KHDRBS2: variants seen among roughly 807,000 people sequenced by gnomAD.
KHDRBS2 encodes KH RNA binding domain containing, signal transduction associated 2.
In KHDRBS2, 26 loss-of-function variants were observed where a neutral mutation model predicts 44.3. The observed-to-expected ratio is 0.59, with a 90% CI of 0.43 to 0.81. The LOEUF is 0.81. Ranked by LOEUF, KHDRBS2 falls within the 40% of genes least tolerant of loss-of-function variation. KHDRBS2 has a pLI of 0.00. For synonymous variants in KHDRBS2, 194 were observed against 151.1 expected (o/e 1.28, Z -2.08); for missense variants, 476 against 433.1 (o/e 1.10, Z -0.88).
At chr6:61,949,501 AC>A (rs1181522059) in intron 4 of KHDRBS2, among the ~76,000 whole-genome samples, 2 of 152,116 alleles carry the variant, frequency 1.3e-5, no homozygotes, top group Admixed American at 6.6e-5. Flanking sequence ...ATATGCTATA[AC>A]TTAAAGGCTA....
At chr6:61,772,702 CATATGT>C (rs1781159036) in intron 6 of KHDRBS2, among the ~76,000 whole-genome samples, 1 of 151,894 alleles carries the variant, frequency 6.6e-6, no homozygotes, top group African/African-American at 2.4e-5. Flanking sequence ...ACATTAGTTA[CATATGT>C]ATACATGTGC....
chr6:61,585,355 G>A, the KHDRBS2 span, among the ~76,000 whole-genome samples: 1 of 152,020 alleles, frequency 6.6e-6, no homozygotes, highest in Non-Finnish European at 1.5e-5. Flanking sequence ...ATTTTACAGT[G>A]TTCCAAAACT....
chr6:62,207,861 G>A (rs1407189061), intron 1 of KHDRBS2, among the ~76,000 whole-genome samples: 2 of 152,028 alleles, frequency 1.3e-5, no homozygotes, highest in Non-Finnish European at 2.9e-5. Context: ...CTATAGTGAG[G>A]CAAAATAACA....
chr6:62,121,500 T>C (rs542169676), intron 2 of KHDRBS2, among the ~76,000 whole-genome samples: 52 of 152,334 alleles, frequency 3.4e-4, no homozygotes, highest in African/African-American at 1.2e-3. Context: ...TTTCATTACT[T>C]GAGCAAATTA....
At chr6:62,167,550 T>A (rs1338569577) in intron 2 of KHDRBS2, among the ~76,000 whole-genome samples, 4 of 152,036 alleles carry the variant, frequency 2.6e-5, no homozygotes, top group Non-Finnish European at 5.9e-5. Flanking sequence ...GCAATTTGAA[T>A]TTTTTTTCCT....
chr6:62,202,850 C>T (rs530034979), intron 1 of KHDRBS2, among the ~76,000 whole-genome samples: 11 of 152,154 alleles, frequency 7.2e-5, no homozygotes, highest in African/African-American at 2.6e-4. Flanking sequence ...GATGAGACAA[C>T]TGTGTGAAAA....
At chr6:62,035,999 TCTC>T (rs954310563) in intron 3 of KHDRBS2, among the ~76,000 whole-genome samples, 7 of 151,934 alleles carry the variant, frequency 4.6e-5, no homozygotes, top group Non-Finnish European at 1.0e-4. Context: ...AGGGAAACTC[TCTC>T]CTCCTAAAAA....
At chr6:62,220,039 A>G (rs1453533436) in intron 1 of KHDRBS2, among the ~76,000 whole-genome samples, 1 of 151,016 alleles carries the variant, frequency 6.6e-6, no homozygotes, top group East Asian at 1.9e-4. Flanking sequence ...AGAACATACT[A>G]TAAGTAGGGA....
chr6:61,666,020 A>C, the KHDRBS2 span, among the ~76,000 whole-genome samples: 511 of 151,360 alleles, frequency 3.4e-3, 3 homozygotes, highest in African/African-American at 0.012. Flanking sequence ...TATTAGTCAT[A>C]TATACAAATC....
intron 2 of KHDRBS2, among the ~76,000 whole-genome samples, chr6:62,095,392 T>A (rs1194987994): frequency 1.3e-5 from 2 of 151,836 alleles, no homozygotes; most frequent in Non-Finnish European, 3.0e-5. Flanking sequence ...TTTAATCTTT[T>A]ATATCATATT....
At chr6:61,613,275 A>G in the KHDRBS2 span, among the ~76,000 whole-genome samples, 21,031 of 152,236 alleles carry the variant, frequency 0.14, 2,028 homozygotes, top group South Asian at 0.27. Flanking sequence ...TGCTCCTAAA[A>G]TGGTACCTGG....
At chr6:61,969,653 G>A (rs1192445) in intron 4 of KHDRBS2, among the ~76,000 whole-genome samples, 99,797 of 151,782 alleles carry the variant, frequency 0.66, 32,973 homozygotes, top group African/African-American at 0.73. Context: ...AGTAGATTAG[G>A]AATAAAAAGA....
chr6:62,229,956 C>T (rs1462814429), intron 1 of KHDRBS2, among the ~76,000 whole-genome samples: 1 of 152,136 alleles, frequency 6.6e-6, no homozygotes, highest in Non-Finnish European at 1.5e-5. Context: ...GCCCCAGCTC[C>T]CAGTTTATTT....
chr6:61,775,146 A>G (rs1406489960), intron 6 of KHDRBS2, among the ~76,000 whole-genome samples: 9 of 152,156 alleles, frequency 5.9e-5, no homozygotes, highest in Non-Finnish European at 7.3e-5. Context: ...GTATCTCAAA[A>G]TAATAAGAGC....
chr6:61,981,626 T>A (rs1020599720), intron 3 of KHDRBS2, among the ~76,000 whole-genome samples: 11 of 152,182 alleles, frequency 7.2e-5, no homozygotes, highest in African/African-American at 2.4e-4. Flanking sequence ...CAGTGTTCAA[T>A]CTTTTGACAT....
At chr6:62,277,816 A>C (rs1272617210) in intron 1 of KHDRBS2, among the ~76,000 whole-genome samples, 2 of 152,206 alleles carry the variant, frequency 1.3e-5, no homozygotes, top group Non-Finnish European at 2.9e-5. Context: ...TCTTTTTGGA[A>C]GTACTGTTAT....
intron 1 of KHDRBS2, among the ~76,000 whole-genome samples, chr6:62,234,621 C>A (rs532114155): frequency 6.6e-6 from 1 of 152,036 alleles, no homozygotes; most frequent in Non-Finnish European, 1.5e-5. Flanking sequence ...AACTCAATAG[C>A]CTAAGAGTAG....
chr6:61,974,548 C>A (rs1191418917), intron 4 of KHDRBS2, among the ~76,000 whole-genome samples: 3 of 152,036 alleles, frequency 2.0e-5, no homozygotes, highest in Non-Finnish European at 1.5e-5. Context: ...AACTTTAATA[C>A]TTCACCTCCC....
chr6:62,096,421 TTATC>T (rs1293807833), intron 2 of KHDRBS2, among the ~76,000 whole-genome samples: 4 of 151,912 alleles, frequency 2.6e-5, no homozygotes, highest in African/African-American at 4.8e-5. Flanking sequence ...TCTTATAAGA[TTATC>T]TATTTATTCA....
Sources: gnomAD v4.1 joint callset for allele counts (sites outside exome capture counted in the v4.1 genomes callset) on GRCh38, gnomAD v4.1.1 for gene constraint, MANE v1.5 for transcripts, NCBI Gene and HGNC (gene_info 2026-07-23, HGNC 2026-07-21) for gene names.